Variants in RGR observed in about 807,000 individuals in gnomAD.
The protein encoded by RGR is retinal G protein coupled receptor, also known as RPE-retinal G protein-coupled receptor.
RGR carries 30 observed loss-of-function variants against 28.6 expected under a neutral mutation model. That is an observed-to-expected ratio of 1.05 (90% CI 0.78 to 1.42). RGR has a LOEUF of 1.42. Among genes scored for constraint, RGR ranks in the 40% most tolerant of loss-of-function variants. RGR has a pLI of 0.00. For synonymous variants in RGR, 180 were observed against 156.4 expected (o/e 1.15, Z -1.13); for missense variants, 404 against 375.6 (o/e 1.08, Z -0.62).
intron 5 of RGR, chr10:84,255,311 AC>A (rs1842869045): frequency 6.6e-6 from 1 of 152,376 alleles, no homozygotes; most frequent in Non-Finnish European, 1.5e-5. Flanking sequence ...GCTCAGATTC[AC>A]CCAGACCCCG....
At chr10:84,255,533 C>T (rs939909606) in intron 5 of RGR, 13 of 152,182 alleles carry the variant, frequency 8.5e-5, no homozygotes, top group South Asian at 2.1e-4. Flanking sequence ...TACAATACTT[C>T]AAAATAAGCC....
rs1259618541 is a variant in RGR at position 84,250,332 on chromosome 10, C to T, written c.358+1289C>T. 1.8e-5 allele frequency: 13 copies of T among 717,242 alleles called. No homozygotes were observed. The East Asian group carries it at 3.5e-4, about 19-fold the overall frequency. 44.4% of individuals were successfully genotyped at this position (717,242 alleles called of 1,614,324 possible). ...CATAGTCACATGTATAGCCCCCTTC[C>T]CTGAAAATTCACTGCCCCTCATGGG... On this transcript the variant is annotated intron_variant, in intron 3 of 6. Transcript: ENST00000652092.
chr10:84,253,261 C>A (rs901263385), intron 4 of RGR, among the ~76,000 whole-genome samples: 3 of 152,154 alleles, frequency 2.0e-5, no homozygotes, highest in African/African-American at 7.2e-5. Context: ...AAAGAGACAT[C>A]ATACAGGGAG....
chr10:84,256,055 CTTTCTT>C (rs1842881853), intron 5 of RGR, among the ~76,000 whole-genome samples: 7 of 66,484 alleles, frequency 1.1e-4, no homozygotes, highest in South Asian at 4.2e-4. Context: ...TTTTTTTTTC[CTTTCTT>C]TTTTTTTTTT....
intron 2 of RGR, 130 bp downstream of exon 2, chr10:84,247,877 G>A: frequency 7.9e-7 from 1 of 1,258,394 alleles, no homozygotes; most frequent in South Asian, 1.2e-5. Flanking sequence ...GGGTGGGCAG[G>A]CTAAAATGGG....
chr10:84,249,344 G>T (rs189338754), intron 3 of RGR, among the ~76,000 whole-genome samples: 1 of 152,110 alleles, frequency 6.6e-6, no homozygotes, highest in Non-Finnish European at 1.5e-5. Context: ...AGACGGAATC[G>T]CTCTATTGCC....
intron 5 of RGR, chr10:84,255,459 A>ATCACAG: frequency 6.6e-6 from 1 of 152,228 alleles, no homozygotes; most frequent in African/African-American, 2.4e-5. Context: ...GTTTAATTTA[A>ATCACAG]TCACAGTCAC....
intron 5 of RGR, 145 bp downstream of exon 5, chr10:84,254,588 A>G: frequency 1.3e-6 from 1 of 752,906 alleles, no homozygotes; most frequent in Non-Finnish European, 2.3e-6. Context: ...TCAGCACAGT[A>G]TTACACTCTC....
Position 84,247,749 on chromosome 10 carries a change from T to G in RGR, c.236+2T>G. On this transcript the variant is annotated splice_donor_variant, in intron 2 of 6. Coordinates refer to ENST00000652092, the MANE Select transcript of RGR (RefSeq NM_001012720.2). LOFTEE classifies it high-confidence loss of function. ...TGCAGCCACATCCAGCCTTCTCCGGTACCAGCCCCCTCCCCAGTCCACAGG... is the reference window on the plus strand; with the variant it reads ...TGCAGCCACATCCAGCCTTCTCCGGGACCAGCCCCCTCCCCAGTCCACAGG... The G allele has an allele frequency of 6.2e-7, 1 of 1,614,088 alleles. No homozygotes were observed. Among genetic ancestry groups the G allele is most frequent in the Non-Finnish European group, 8.5e-7 (1 of 1,179,998 alleles).
rs535591086 is a variant in RGR, at chr10:84,253,100, A to G, written c.512+90A>G. On this transcript the variant is annotated intron_variant, in intron 4 of 6. Coordinates refer to ENST00000652092, the MANE Select transcript of RGR (RefSeq NM_001012720.2). Reference sequence around the variant, plus strand: ...CAAGGGTGCCCCAGCTGAAAATCCAAATGGGGAAATGTCAACGTTTGCCAG... The same window carrying G: ...CAAGGGTGCCCCAGCTGAAAATCCAGATGGGGAAATGTCAACGTTTGCCAG... 5.0e-6 allele frequency: 7 copies of G among 1,404,794 alleles called. No homozygotes were observed. In the East Asian group the frequency reaches 1.4e-4, roughly 29 times the overall value. 87.0% of individuals were successfully genotyped at this position (1,404,794 alleles called of 1,614,324 possible). A position where few individuals can be genotyped will look rare whatever the true frequency, so the allele number is the denominator to read the frequency against.
chr10:84,246,355 G>A (rs1842746303), intron 1 of RGR, among the ~76,000 whole-genome samples: 1 of 152,058 alleles, frequency 6.6e-6, no homozygotes, highest in African/African-American at 2.4e-5. Flanking sequence ...TGCCTCATTT[G>A]TAGGTTTTTT....
chr10:84,258,496 C>A lies in RGR; in HGVS notation c.745-12C>A. On this transcript the variant is annotated splice_polypyrimidine_tract_variant and intron_variant, in intron 6 of 6. Coordinates refer to ENST00000652092, the MANE Select transcript of RGR (RefSeq NM_001012720.2). The stretch of plus-strand genomic sequence containing the variant: ...TTTGAAGCTTCTTTTCTGGACTTTT[C>A]TGCCACAACAGGTGCCCGCCCTCAT... 2 of 1,614,204 alleles carry A rather than the reference C, an allele frequency of 1.2e-6. No homozygotes were observed. The highest frequency in any genetic ancestry group is 8.5e-7 in the Non-Finnish European group (1 of 1,180,024).
At chr10:84,249,159 T>C in intron 3 of RGR, 116 bp downstream of exon 3, 2 of 1,456,558 alleles carry the variant, frequency 1.4e-6, no homozygotes, top group Non-Finnish European at 1.9e-6. Context: ...CAGGGAAGTG[T>C]GGGTAGGTGT....
Position 84,247,722 on chromosome 10 carries a change from G to A in RGR, c.211G>A (p.Val71Ile), listed in dbSNP as rs774404884. The A allele has an allele frequency of 7.4e-6, 12 of 1,613,982 alleles. No homozygotes were observed. Among genetic ancestry groups the A allele is most frequent in the East Asian group, 4.5e-5 (2 of 44,884 alleles). The part of the protein sequence containing the change: ...ADSGISLNAL[V>I]AATSSLLRRW... The stretch of plus-strand genomic sequence containing the variant: ...CAGTGGGATCAGCCTGAATGCCCTC[G>A]TTGCAGCCACATCCAGCCTTCTCCG... Residue 71 changes from valine (V) to isoleucine (I), a missense_variant, in exon 2 of 7, where the codon GTT becomes ATT. Physicochemically the swap from Val to Ile is conservative, Grantham distance 29 (BLOSUM62 3). Transcript: ENST00000652092.
rs980480473 is a variant in RGR at position 84,250,250 on chromosome 10, C to T, written c.358+1207C>T. On this transcript the variant is annotated intron_variant, in intron 3 of 6. Transcript: ENST00000652092. The stretch of plus-strand genomic sequence containing the variant: ...ACAGAGGCTGCTGTGAGGTCTATAG[C>T]CAGCACAGCCTCAAACCATGGCATG... The T allele has an allele frequency of 4.4e-6, 3 of 680,790 alleles. No homozygotes were observed. The South Asian group carries it at 4.8e-5, about 11-fold the overall frequency. The allele number at this position is 680,790 out of a possible 1,614,324, so 42.2% of individuals were successfully genotyped here.
At chr10:84,251,822 T>C (rs1842821924) in intron 3 of RGR, among the ~76,000 whole-genome samples, 1 of 152,184 alleles carries the variant, frequency 6.6e-6, no homozygotes, top group African/African-American at 2.4e-5. Flanking sequence ...GATTAGGGCT[T>C]CAACATATAA....
intron 1 of RGR, 69 bp downstream of exon 1, chr10:84,245,238 G>A (rs1842733693): frequency 1.3e-6 from 2 of 1,521,188 alleles, no homozygotes; most frequent in African/African-American, 1.4e-5. Flanking sequence ...CACCAGTGTG[G>A]AGCTGGCAAG....
At chr10:84,253,066 C>A in intron 4 of RGR, 56 bp downstream of exon 4, 1 of 1,588,238 alleles carries the variant, frequency 6.3e-7, no homozygotes, top group Non-Finnish European at 8.6e-7. Context: ...TGGCTTTGAA[C>A]TCCTATGACA....
rs777466420 is a variant in RGR, at chr10:84,253,018, G to A, written c.512+8G>A. 20 of 1,612,302 alleles carry A rather than the reference G, an allele frequency of 1.2e-5. No individual in the cohort carries two copies. Among genetic ancestry groups the A allele is most frequent in the Non-Finnish European group, 1.7e-5 (20 of 1,179,612 alleles). On this transcript the variant is annotated splice_region_variant and intron_variant, in intron 4 of 6. Transcript: ENST00000652092. ...CTACTCCAAGGGGGACAGGTGAGGTGGGAGGAGCAGCTTCGAGGCTCCTAT... is the reference window on the plus strand; with the variant it reads ...CTACTCCAAGGGGGACAGGTGAGGTAGGAGGAGCAGCTTCGAGGCTCCTAT...
Sources: allele counts gnomAD v4.1 joint callset (sites outside exome capture counted in the v4.1 genomes callset), GRCh38; gene constraint gnomAD v4.1.1; transcripts MANE v1.5; gene names NCBI Gene and HGNC (gene_info 2026-07-23, HGNC 2026-07-21).